TPRKB: variants seen among roughly 807,000 people sequenced by gnomAD.
TPRKB encodes TP53RK binding protein.
TPRKB carries 11 observed loss-of-function variants against 17.8 expected under a neutral mutation model. The observed-to-expected ratio is 0.62, with a 90% confidence interval of 0.39 to 1.02. The LOEUF (loss-of-function observed/expected upper bound fraction) is 1.02. Among genes scored for constraint, TPRKB ranks in the 50% least tolerant of loss-of-function variants. TPRKB has a pLI of 0.00. For missense variants in TPRKB, 228 were observed against 198.0 expected (o/e 1.15, Z -0.91); for synonymous variants, 71 against 69.5 (o/e 1.02, Z -0.11).
chr2:73,732,442 T>G lies in TPRKB; in HGVS notation c.142-157A>C. 4 of 840,122 alleles carry G rather than the reference T, an allele frequency of 4.8e-6. 1 individual carries two copies. The highest frequency in any genetic ancestry group is 7.1e-6 in the Non-Finnish European group (4 of 560,156). The allele number at this position is 840,122 out of a possible 1,614,324, so 52.0% of individuals were successfully genotyped here. On this transcript the variant is annotated intron_variant, in intron 2 of 4. Transcript: ENST00000272424. ...AAACTATTATCCCGGCTGGGCACGG[T>G]GGCTCACACCTGTAATCCTAGCACT...
intron 2 of TPRKB, among the ~76,000 whole-genome samples, chr2:73,733,589 G>A (rs1445068820): frequency 2.0e-5 from 3 of 151,980 alleles, no homozygotes; most frequent in Non-Finnish European, 4.4e-5. Flanking sequence ...TTTTAAAGAT[G>A]AGAAGCTGGA....
chr2:73,734,156 T>C (rs1055555228), intron 2 of TPRKB, among the ~76,000 whole-genome samples: 7 of 151,064 alleles, frequency 4.6e-5, no homozygotes, highest in Non-Finnish European at 1.0e-4. Context: ...TGGAGTGCAA[T>C]GGCGCAATCT....
Position 73,732,148 on chromosome 2 carries a change from G to C in TPRKB, c.264+15C>G, listed in dbSNP as rs1175395149. The C allele has an allele frequency of 3.1e-6, 5 of 1,609,760 alleles. No individual in the cohort carries two copies. The African/African-American group carries it at 4.0e-5, about 13-fold the overall frequency. ...ATTATGACACGGTCAACAGAAATAG[G>C]AAAGTGCACATTACATTGTTATTTG... On this transcript the variant is annotated intron_variant, in intron 3 of 4. Transcript: ENST00000272424.
chr2:73,730,551 C>G lies in TPRKB; in HGVS notation c.441+9G>C. The G allele has an allele frequency of 6.4e-7, 1 of 1,565,632 alleles. No homozygotes were observed. Among genetic ancestry groups the G allele is most frequent in the Non-Finnish European group, 8.6e-7 (1 of 1,161,328 alleles). On this transcript the variant is annotated intron_variant, in intron 4 of 4. Coordinates refer to ENST00000272424, the MANE Select transcript of TPRKB (RefSeq NM_016058.5). ...ATCACACTCTTTCTAAAAATATGGA[C>G]TGGCAAACCTTTTTGACTTCTGTAA...
At chr2:73,733,271 GAGAC>G (rs201626369) in intron 2 of TPRKB, among the ~76,000 whole-genome samples, 2,950 of 33,200 alleles carry the variant, frequency 0.089, 108 homozygotes, top group Middle Eastern at 0.27. Flanking sequence ...TTTTTTTTTG[GAGAC>G]AGACAGAGTC....
In TPRKB at chr2:73,736,357, C is replaced by CT. The variant is rs545734472; in HGVS notation, c.-23+944dup. 2.8e-3 allele frequency among the ~76,000 whole-genome samples: 432 copies of CT among 151,974 alleles called. 4 individuals are homozygous for CT. The highest frequency in any genetic ancestry group is 0.01 in the African/African-American group (416 of 41,452). On this transcript the variant is annotated intron_variant, in intron 1 of 4. Coordinates refer to ENST00000272424, the MANE Select transcript of TPRKB (RefSeq NM_016058.5). ...AGGTTATGAGGTGATTTTTATTGTCCTTTATATAAAAGAAAATATTTTGTT... is the reference window on the plus strand; with the variant it reads ...AGGTTATGAGGTGATTTTTATTGTCCTTTTATATAAAAGAAAATATTTTGTT...
chr2:73,733,262 T>G lies in TPRKB; in HGVS notation c.142-977A>C, dbSNP rs1030482434. Among the ~76,000 whole-genome samples the G allele has an allele frequency of 6.9e-5, 10 of 145,498 alleles. 1 individual carries two copies. In the South Asian group the frequency reaches 2.0e-3, roughly 30 times the overall value. ...GTGTGCCCTGTTTTTTTGTTTTTTT[T>G]TTTTTTTGGAGACAGACAGAGTCTC... On this transcript the variant is annotated intron_variant, in intron 2 of 4. Coordinates refer to ENST00000272424, the MANE Select transcript of TPRKB (RefSeq NM_016058.5).
intron 1 of TPRKB, among the ~76,000 whole-genome samples, chr2:73,736,257 A>AATT (rs1463234118): frequency 1.7e-4 from 26 of 152,356 alleles, no homozygotes; most frequent in Admixed American, 5.2e-4. Context: ...GTAGGATCCC[A>AATT]ATTATATAAA....
chr2:73,733,814 C>CTTTTT lies in TPRKB; in HGVS notation c.141+610_141+614dup, dbSNP rs755122123. On this transcript the variant is annotated intron_variant, in intron 2 of 4. Transcript: ENST00000272424. ...AAATGCCCTGTATGGCTCATTCATT[C>CTTTTT]TTTTTTTTTTTTTTTTTTTTTGAGG... Among the ~76,000 whole-genome samples the CTTTTT allele has an allele frequency of 1.1e-3, 124 of 113,982 alleles. 1 individual carries two copies. The highest frequency in any genetic ancestry group is 3.9e-3 in the African/African-American group (101 of 25,876). 74.8% of individuals were successfully genotyped at this position (113,982 alleles called of 152,430 possible).
At chr2:73,735,267 G>A (rs1671825094) in intron 1 of TPRKB, among the ~76,000 whole-genome samples, 1 of 152,038 alleles carries the variant, frequency 6.6e-6, no homozygotes, top group Admixed American at 6.5e-5. Context: ...GGGAGGCAGA[G>A]GTTGCAGTGA....
chr2:73,730,753 G>GA lies in TPRKB; in HGVS notation c.265-18dup, dbSNP rs762149371. The GA allele has an allele frequency of 0.037, 43,625 of 1,177,320 alleles. 1 individual carries two copies. Among genetic ancestry groups the GA allele is most frequent in the South Asian group, 0.049 (2,774 of 56,276 alleles). The allele number at this position is 1,177,320 out of a possible 1,614,324, so 72.9% of individuals were successfully genotyped here. The stretch of plus-strand genomic sequence containing the variant: ...CTCTGAAATCTAAGAGAAAAAAAAT[G>GA]AAAAAAAAAACACAAGATCATTAAC... On this transcript the variant is annotated splice_polypyrimidine_tract_variant and intron_variant, in intron 3 of 4. Coordinates refer to ENST00000272424, the MANE Select transcript of TPRKB (RefSeq NM_016058.5).
intron 2 of TPRKB, among the ~76,000 whole-genome samples, chr2:73,732,925 TAGTAGTAGTAGC>T (rs1171149336): frequency 6.6e-6 from 1 of 152,142 alleles, no homozygotes; most frequent in Non-Finnish European, 1.5e-5. Flanking sequence ...ACACTATTAT[TAGTAGTAGTAGC>T]AGTAGTAGTA....
rs1407598390 is a variant in TPRKB, at chr2:73,732,156, A to T, written c.264+7T>A. On this transcript the variant is annotated splice_region_variant and intron_variant, in intron 3 of 4. Transcript: ENST00000272424. ...ACGGTCAACAGAAATAGGAAAGTGCACATTACATTGTTATTTGGGGAAAGG... is the reference window on the plus strand; with the variant it reads ...ACGGTCAACAGAAATAGGAAAGTGCTCATTACATTGTTATTTGGGGAAAGG... 6.2e-7 allele frequency: 1 copy of T among 1,612,454 alleles called. No homozygotes were observed. Among genetic ancestry groups the T allele is most frequent in the Non-Finnish European group, 8.5e-7 (1 of 1,179,380 alleles).
rs1184663977 is a variant in TPRKB at position 73,730,227 on chromosome 2, G to GTAAC, written c.442-202_442-199dup. On this transcript the variant is annotated intron_variant, in intron 4 of 4. Coordinates refer to ENST00000272424, the MANE Select transcript of TPRKB (RefSeq NM_016058.5). ...TCCCCTTTAAATTGCTGCTATGGGA[G>GTAAC]TAACTCTCAAGAACATAAAAACCAA... is the stretch of plus-strand genomic sequence containing the variant. 10 of 584,412 alleles carry GTAAC rather than the reference G, an allele frequency of 1.7e-5. No individual in the cohort carries two copies. The Admixed American group carries it at 2.2e-4, about 13-fold the overall frequency. 36.2% of individuals were successfully genotyped at this position (584,412 alleles called of 1,614,324 possible). A position where few individuals can be genotyped will look rare whatever the true frequency, so the allele number is the denominator to read the frequency against.
rs750523433 is a variant in TPRKB at position 73,732,148 on chromosome 2, GA to G, written c.264+14del. On this transcript the variant is annotated intron_variant, in intron 3 of 4. Coordinates refer to ENST00000272424, the MANE Select transcript of TPRKB (RefSeq NM_016058.5). ...ATTATGACACGGTCAACAGAAATAG[GA>G]AAGTGCACATTACATTGTTATTTGG... 3 of 1,609,760 alleles carry G rather than the reference GA, an allele frequency of 1.9e-6. No homozygotes were observed. Among genetic ancestry groups the G allele is most frequent in the Non-Finnish European group, 2.5e-6 (3 of 1,178,478 alleles).
intron 1 of TPRKB, among the ~76,000 whole-genome samples, chr2:73,735,535 C>A (rs1218165738): frequency 6.6e-6 from 1 of 152,034 alleles, no homozygotes; most frequent in African/African-American, 2.4e-5. Flanking sequence ...GATATTCATT[C>A]CACGCATGGA....
rs771227132 is a variant in TPRKB, at chr2:73,732,284, A to G, written c.143T>C (p.Ile48Thr). 1.2e-6 allele frequency: 2 copies of G among 1,611,132 alleles called. No homozygotes were observed. The highest frequency in any genetic ancestry group is 1.1e-5 in the South Asian group (1 of 90,274). The change falls in exon 3 of 5, where the codon ATT becomes ACT. Residue 48 changes from isoleucine to threonine, a missense_variant and splice_region_variant. Coordinates refer to ENST00000272424, the MANE Select transcript of TPRKB (RefSeq NM_016058.5). ...IDGSLINPTV[I>T]VDPFQILVAA... is the part of the protein sequence containing the mutation. The stretch of plus-strand genomic sequence containing the variant: ...CACAAGTATCTGAAATGGATCAACA[A>G]TCTACCAAAGCAAGGAAAAAGAATT...
At position 73,730,554 on chromosome 2, in the gene TPRKB, G is replaced by A. The variant is rs758168068; in HGVS notation, c.441+6C>T. 3 of 1,569,506 alleles carry A rather than the reference G, an allele frequency of 1.9e-6. No homozygotes were observed. The African/African-American group carries it at 4.2e-5, about 22-fold the overall frequency. On this transcript the variant is annotated splice_donor_region_variant and intron_variant, in intron 4 of 4. Transcript: ENST00000272424. ...ACACTCTTTCTAAAAATATGGACTG[G>A]CAAACCTTTTTGACTTCTGTAATAT...
intron 1 of TPRKB, among the ~76,000 whole-genome samples, chr2:73,736,985 C>A (rs765603837): frequency 3.3e-5 from 5 of 152,186 alleles, no homozygotes; most frequent in Non-Finnish European, 7.3e-5. Context: ...TCCTCCCTCC[C>A]TTCAACTCCA....
Sources: allele counts gnomAD v4.1 joint callset (sites outside exome capture counted in the v4.1 genomes callset), GRCh38; gene constraint gnomAD v4.1.1; transcripts MANE v1.5; gene names NCBI Gene and HGNC (gene_info 2026-07-23, HGNC 2026-07-21).